The following NAA11 variants were observed in gnomAD, a reference collection of about 807,000 sequenced individuals.
The protein encoded by NAA11 is N-alpha-acetyltransferase 11.
NAA11 carries 15 observed loss-of-function variants against 16.1 expected under a neutral mutation model. That is an observed-to-expected ratio of 0.93 (90% confidence interval 0.62 to 1.44). NAA11 has a LOEUF of 1.44. NAA11 is among the 40% of genes most tolerant of loss of function. NAA11 has a pLI of 0.00. For synonymous variants in NAA11, 122 were observed against 112.4 expected (o/e 1.09, Z -0.54); for missense variants, 298 against 291.3 (o/e 1.02, Z -0.17).
intron 2 of NAA11, among the ~76,000 whole-genome samples, chr4:79,290,612 C>T (rs1428174602): frequency 6.6e-6 from 1 of 152,158 alleles, no homozygotes; most frequent in African/African-American, 2.4e-5. Context: ...CTGGCAGGCA[C>T]TCTCCCAGGC....
the NAA11 span, among the ~76,000 whole-genome samples, chr4:79,177,825 G>A: frequency 6.6e-6 from 1 of 152,052 alleles, no homozygotes; most frequent in Non-Finnish European, 1.5e-5. Flanking sequence ...AAGAGGAGAA[G>A]TTTCTTATTT....
chr4:79,223,413 C>A (rs933735156), downstream of NAA11, among the ~76,000 whole-genome samples: 2 of 145,496 alleles, frequency 1.4e-5, no homozygotes. Context: ...CCAAACACCG[C>A]ATATTCTCAC....
chr4:79,259,444 T>C (rs1372633617), intron 2 of NAA11, among the ~76,000 whole-genome samples: 2 of 152,178 alleles, frequency 1.3e-5, no homozygotes, highest in African/African-American at 4.8e-5. Flanking sequence ...CAGCTGCCAG[T>C]GTGCCTGACT....
At chr4:79,265,935 C>A (rs114751825) in intron 2 of NAA11, among the ~76,000 whole-genome samples, 1 of 152,194 alleles carries the variant, frequency 6.6e-6, no homozygotes, top group African/African-American at 2.4e-5. Flanking sequence ...TTGTTTGTTT[C>A]TCCTGTTTAG....
the NAA11 span, among the ~76,000 whole-genome samples, chr4:79,182,656 T>G: frequency 2.2e-3 from 334 of 152,296 alleles, no homozygotes; most frequent in Non-Finnish European, 3.8e-3. Context: ...GTATTCAGGT[T>G]GACTAATGAG....
At chr4:79,215,541 C>A in the NAA11 span, among the ~76,000 whole-genome samples, 1 of 152,194 alleles carries the variant, frequency 6.6e-6, no homozygotes, top group South Asian at 2.1e-4. Flanking sequence ...AGCTGTGGTA[C>A]AAGTGGACCA....
At chr4:79,291,783 C>T (rs1723093072) in intron 2 of NAA11, among the ~76,000 whole-genome samples, 1 of 151,964 alleles carries the variant, frequency 6.6e-6, no homozygotes, top group South Asian at 2.1e-4. Flanking sequence ...CAATAATATG[C>T]TTAGAGGTTC....
the NAA11 span, among the ~76,000 whole-genome samples, chr4:79,175,177 G>A: frequency 1.3e-5 from 2 of 152,008 alleles, no homozygotes; most frequent in Non-Finnish European, 2.9e-5. Flanking sequence ...AAAAGAAATC[G>A]GCCTTCTAAC....
At chr4:79,314,934 T>C (rs1011224908), downstream of NAA11, among the ~76,000 whole-genome samples, 14 of 152,258 alleles carry the variant, frequency 9.2e-5, no homozygotes, top group Middle Eastern at 3.4e-3. Flanking sequence ...TCTATTTTTA[T>C]TGAAATTATT....
At chr4:79,224,575 G>A (rs1721270400), downstream of NAA11, among the ~76,000 whole-genome samples, 1 of 152,090 alleles carries the variant, frequency 6.6e-6, no homozygotes, top group African/African-American at 2.4e-5. Context: ...AGAAGTATTT[G>A]CTGAGAAAGA....
chr4:79,246,470 A>G (rs147235603), intron 2 of NAA11, among the ~76,000 whole-genome samples: 15 of 152,280 alleles, frequency 9.9e-5, no homozygotes, highest in Middle Eastern at 3.4e-3. Context: ...AATCCTTTAA[A>G]ATGCAATTAA....
At chr4:79,165,163 G>A in the NAA11 span, among the ~76,000 whole-genome samples, 1 of 152,178 alleles carries the variant, frequency 6.6e-6, no homozygotes, top group Admixed American at 6.5e-5. Flanking sequence ...CTCTCCTTGG[G>A]AGGTGGCAGG....
At chr4:79,245,818 C>T (rs28528138) in intron 2 of NAA11, among the ~76,000 whole-genome samples, 107,747 of 151,402 alleles carry the variant, frequency 0.71, 40,497 homozygotes, top group East Asian at 0.89. Context: ...CCCCTCTGCC[C>T]GGCCGCCACG....
At chr4:79,202,841 G>A in the NAA11 span, among the ~76,000 whole-genome samples, 6 of 150,234 alleles carry the variant, frequency 4.0e-5, no homozygotes, top group African/African-American at 1.2e-4. Context: ...CAATCATTTG[G>A]TATGCTCTTT....
chr4:79,210,987 A>G, the NAA11 span, among the ~76,000 whole-genome samples: 1 of 152,142 alleles, frequency 6.6e-6, no homozygotes, highest in African/African-American at 2.4e-5. Flanking sequence ...CATTATACAC[A>G]TTTGTCTATT....
At chr4:79,253,841 A>C (rs1347229827) in intron 2 of NAA11, among the ~76,000 whole-genome samples, 2 of 152,200 alleles carry the variant, frequency 1.3e-5, no homozygotes, top group African/African-American at 2.4e-5. Flanking sequence ...TTTGAGTTTG[A>C]GAGGAGGACA....
At chr4:79,210,084 T>C in the NAA11 span, among the ~76,000 whole-genome samples, 1 of 152,120 alleles carries the variant, frequency 6.6e-6, no homozygotes, top group Non-Finnish European at 1.5e-5. Flanking sequence ...TGCATGTGTC[T>C]AATTGAAGAG....
chr4:79,265,518 G>C (rs960682275), intron 2 of NAA11, among the ~76,000 whole-genome samples: 14 of 152,066 alleles, frequency 9.2e-5, no homozygotes, highest in Non-Finnish European at 1.3e-4. Context: ...ACTTTCTTTA[G>C]CTTACACCTA....
chr4:79,288,124 C>G (rs1275950662), intron 2 of NAA11, among the ~76,000 whole-genome samples: 1 of 152,186 alleles, frequency 6.6e-6, no homozygotes, highest in Non-Finnish European at 1.5e-5. Flanking sequence ...GCAGAAGATT[C>G]TCTTTCTTCT....
Sources: allele counts gnomAD v4.1 joint callset (sites outside exome capture counted in the v4.1 genomes callset), GRCh38; gene constraint gnomAD v4.1.1; transcripts MANE v1.5; gene names NCBI Gene and HGNC (gene_info 2026-07-23, HGNC 2026-07-21).